Variants in FOXN3 observed in about 807,000 individuals in gnomAD.
FOXN3 encodes forkhead box N3, also known as forkhead box protein N3.
A neutral mutation model predicts 38.4 loss-of-function variants in FOXN3; 7 were observed. The ratio of observed to expected loss-of-function variants is 0.18; its 90% CI spans 0.10 to 0.34. The LOEUF is 0.34. FOXN3 is among the 10% of genes least tolerant of loss of function. The pLI, the probability that FOXN3 is intolerant of heterozygous loss-of-function variation, is 1.00. For missense variants in FOXN3, 456 were observed against 613.4 expected, an observed-to-expected ratio of 0.74 and a Z score of 2.71; for synonymous variants, 230 against 242.2, an observed-to-expected ratio of 0.95 and a Z score of 0.47.
intron 1 of FOXN3, among the ~76,000 whole-genome samples, chr14:89,495,897 C>T (rs1596297050): frequency 6.6e-6 from 1 of 152,106 alleles, no homozygotes; most frequent in Non-Finnish European, 1.5e-5. Flanking sequence ...TCACCTGATC[C>T]GATGTTCTCT....
chr14:89,366,688 A>C (rs1196124599), intron 2 of FOXN3, among the ~76,000 whole-genome samples: 1 of 152,196 alleles, frequency 6.6e-6, no homozygotes, highest in Non-Finnish European at 1.5e-5. Context: ...GCTGACAGCC[A>C]GCTCTGACTT....
intron 1 of FOXN3, among the ~76,000 whole-genome samples, chr14:89,566,330 G>A (rs1452705782): frequency 1.3e-5 from 2 of 151,850 alleles, no homozygotes; most frequent in Admixed American, 1.3e-4. Context: ...ATGACCTAAT[G>A]TTTTGGTATA....
intron 2 of FOXN3, among the ~76,000 whole-genome samples, chr14:89,375,149 A>G (rs898894295): frequency 2.0e-5 from 3 of 152,204 alleles, no homozygotes; most frequent in East Asian, 1.9e-4. Flanking sequence ...AAAACTTTTC[A>G]TGATGAAACT....
At chr14:89,333,590 T>A (rs1888325216) in intron 3 of FOXN3, among the ~76,000 whole-genome samples, 1 of 150,894 alleles carries the variant, frequency 6.6e-6, no homozygotes, top group Non-Finnish European at 1.5e-5. Flanking sequence ...TGAAACCACA[T>A]CTCTACTAAA....
At chr14:89,398,523 G>C (rs1487294930) in intron 2 of FOXN3, among the ~76,000 whole-genome samples, 1 of 152,120 alleles carries the variant, frequency 6.6e-6, no homozygotes, top group Non-Finnish European at 1.5e-5. Context: ...TATAAACTTG[G>C]AATGAAAGAA....
intron 1 of FOXN3, among the ~76,000 whole-genome samples, chr14:89,533,747 C>T (rs1333240365): frequency 6.7e-6 from 1 of 149,844 alleles, no homozygotes; most frequent in Admixed American, 6.7e-5. Flanking sequence ...TGACTAAAAG[C>T]CATGTTTCCT....
intron 1 of FOXN3, among the ~76,000 whole-genome samples, chr14:89,490,553 A>C (rs1893551290): frequency 2.0e-5 from 3 of 152,160 alleles, no homozygotes; most frequent in Admixed American, 2.0e-4. Flanking sequence ...CAGGTTTAAA[A>C]TTCTCTCCTC....
At chr14:89,602,648 C>T (rs1896177423) in intron 1 of FOXN3, among the ~76,000 whole-genome samples, 1 of 151,934 alleles carries the variant, frequency 6.6e-6, no homozygotes, top group African/African-American at 2.4e-5. Context: ...AGGCACCTGC[C>T]ACCACACCTG....
intron 1 of FOXN3, among the ~76,000 whole-genome samples, chr14:89,601,439 G>A (rs934061135): frequency 1.3e-5 from 2 of 152,156 alleles, no homozygotes; most frequent in African/African-American, 4.8e-5. Context: ...TCAATGAAAG[G>A]AAAACAAAAT....
chr14:89,573,100 G>C (rs569492576), intron 1 of FOXN3, among the ~76,000 whole-genome samples: 1 of 152,298 alleles, frequency 6.6e-6, no homozygotes, highest in South Asian at 2.1e-4. Flanking sequence ...GCGTCACCTA[G>C]TGCTTCTGAG....
rs752129603 is a variant in FOXN3 at position 89,415,977 on chromosome 14, G to C, written c.-15+894C>G. 4.9e-4 allele frequency among the ~76,000 whole-genome samples: 74 copies of C among 152,100 alleles called. 1 individual carries two copies. Among genetic ancestry groups the C allele is most frequent in the Non-Finnish European group, 1.8e-4 (12 of 68,008 alleles). The stretch of plus-strand genomic sequence containing the variant: ...GCAAGAAAGCTTAGTTTCTCGCCTA[G>C]TAAACAGAAGGTCTCCAAATAACTG... On this transcript the variant is annotated intron_variant, in intron 1 of 5. Transcript: ENST00000557258.
intron 1 of FOXN3, among the ~76,000 whole-genome samples, chr14:89,573,397 T>C (rs1895534887): frequency 6.6e-6 from 1 of 152,214 alleles, no homozygotes; most frequent in Non-Finnish European, 1.5e-5. Flanking sequence ...TTATTATCAA[T>C]AATTTAACAC....
At chr14:89,397,614 A>AC (rs1891134383) in intron 2 of FOXN3, among the ~76,000 whole-genome samples, 1 of 151,090 alleles carries the variant, frequency 6.6e-6, no homozygotes, top group African/African-American at 2.4e-5. Context: ...GGCACTCAAA[A>AC]CCCCCCAGTC....
At chr14:89,208,938 A>G (rs896948738) in intron 4 of FOXN3, among the ~76,000 whole-genome samples, 2 of 152,180 alleles carry the variant, frequency 1.3e-5, no homozygotes, top group Non-Finnish European at 2.9e-5. Flanking sequence ...AGAAACACAG[A>G]AGATCTCCCA....
chr14:89,430,024 G>C (rs1316110625), intron 1 of FOXN3, among the ~76,000 whole-genome samples: 4 of 152,126 alleles, frequency 2.6e-5, no homozygotes, highest in Non-Finnish European at 5.9e-5. Flanking sequence ...AGACACAGCT[G>C]TTACACATTT....
At chr14:89,434,212 T>C (rs12590709) in intron 1 of FOXN3, among the ~76,000 whole-genome samples, 84,495 of 148,492 alleles carry the variant, frequency 0.57, 24,295 homozygotes, top group Middle Eastern at 0.69. Context: ...CGTGAGTCAC[T>C]GCGCAAGCCT....
chr14:89,328,753 A>G (rs1888151550), intron 3 of FOXN3, among the ~76,000 whole-genome samples: 1 of 152,260 alleles, frequency 6.6e-6, no homozygotes, highest in Non-Finnish European at 1.5e-5. Flanking sequence ...CTGGGGCTCC[A>G]GAACAGGTAA....
intron 1 of FOXN3, among the ~76,000 whole-genome samples, chr14:89,454,262 C>T (rs1013882425): frequency 6.6e-6 from 1 of 152,180 alleles, no homozygotes; most frequent in African/African-American, 2.4e-5. Flanking sequence ...CGAGATTGCA[C>T]CACTGTACTC....
chr14:89,519,159 G>T (rs1017646152), intron 1 of FOXN3, among the ~76,000 whole-genome samples: 1 of 152,194 alleles, frequency 6.6e-6, no homozygotes, highest in Non-Finnish European at 1.5e-5. Context: ...GAGGTCAGAC[G>T]AGTGGGCTAA....
Sources: gnomAD v4.1 joint callset for allele counts (sites outside exome capture counted in the v4.1 genomes callset) on GRCh38, gnomAD v4.1.1 for gene constraint, MANE v1.5 for transcripts, NCBI Gene and HGNC (gene_info 2026-07-23, HGNC 2026-07-21) for gene names.